The following ADAMTS12 variants were observed in gnomAD, a reference collection of about 807,000 sequenced individuals.
ADAMTS12 encodes the protein A disintegrin and metalloproteinase with thrombospondin motifs 12.
A neutral mutation model predicts 167.8 loss-of-function variants in ADAMTS12; 118 were observed. That is an observed-to-expected ratio of 0.70 (90% confidence interval 0.61 to 0.82). The LOEUF (loss-of-function observed/expected upper bound fraction) is 0.82. Ranked by LOEUF, ADAMTS12 falls within the 40% of genes least tolerant of loss-of-function variation. The pLI is 0.00. For missense variants in ADAMTS12, 1,916 were observed against 1,998.8 expected (o/e 0.96, Z 0.79); for synonymous variants, 704 against 716.9 (o/e 0.98, Z 0.29).
chr5:33,683,859 C>T lies in ADAMTS12; in HGVS notation c.831G>A (p.Met277Ile), dbSNP rs748113182. The change falls in exon 4 of 24, where the codon ATG becomes ATA. Residue 277 changes from methionine to isoleucine, a missense_variant and splice_region_variant. Coordinates refer to ENST00000504830, the MANE Select transcript of ADAMTS12 (RefSeq NM_030955.4). ...CCAGCCCCCATGTAGTCTGGCATAC[C>T]ATGTTCATGATGGTGAGGATGTAGG... ...VESYILTIMN[M>I]VTGLFHNPSI... The T allele has an allele frequency of 2.6e-6, 4 of 1,523,628 alleles. No individual in the cohort carries two copies. In the East Asian group the frequency reaches 7.3e-5, roughly 28 times the overall value. The allele number at this position is 1,523,628 out of a possible 1,614,324, so 94.4% of individuals were successfully genotyped here.
At chr5:33,835,907 A>ATCTCTCTCTCTCTCTC (rs60393220) in intron 2 of ADAMTS12, among the ~76,000 whole-genome samples, 6 of 111,844 alleles carry the variant, frequency 5.4e-5, no homozygotes, top group African/African-American at 1.3e-4. Context: ...GATAATATCC[A>ATCTCTCTCTCTCTCTC]TCTCTCTCTC....
chr5:33,576,180 T>C lies in ADAMTS12; in HGVS notation c.3846A>G (p.Glu1282=). ...PNNMNQTKSS[E]PVLTEEDATS... ...TTGCATCCTCCTCAGTCAGGACTGG[T>C]TCAGAACTTTTTGTTTGGTTCATGT... The change falls in exon 19 of 24, where the codon GAA becomes GAG. Residue 1282 remains glutamate, a synonymous_variant. Transcript: ENST00000504830. 1 of 1,614,244 alleles carries C rather than the reference T, an allele frequency of 6.2e-7. No homozygotes were observed.
intron 20 of ADAMTS12, among the ~76,000 whole-genome samples, chr5:33,554,228 G>C (rs1043762538): frequency 3.9e-5 from 6 of 152,152 alleles, no homozygotes; most frequent in East Asian, 3.8e-4. Flanking sequence ...TTGAAGTGGA[G>C]GTAATGGCAT....
chr5:33,800,842 G>A (rs995840432), intron 2 of ADAMTS12, among the ~76,000 whole-genome samples: 11 of 152,018 alleles, frequency 7.2e-5, no homozygotes, highest in African/African-American at 1.7e-4. Context: ...CTTGAATAAC[G>A]GTATCTATGT....
intron 2 of ADAMTS12, among the ~76,000 whole-genome samples, chr5:33,870,669 A>G (rs1750004666): frequency 6.6e-6 from 1 of 152,208 alleles, no homozygotes; most frequent in Non-Finnish European, 1.5e-5. Flanking sequence ...TCCAAATCCC[A>G]TGGCAAATTG....
Position 33,637,568 on chromosome 5 carries a change from G to T in ADAMTS12, c.1888+9C>A. On this transcript the variant is annotated intron_variant, in intron 12 of 23. Transcript: ENST00000504830. ...CCTAGATCTGAGATACACCATTACA[G>T]CTCCTTACCTGGGTTAAAAATGGGA... 2 of 1,611,736 alleles carry T rather than the reference G, an allele frequency of 1.2e-6. No homozygotes were observed. Among genetic ancestry groups the T allele is most frequent in the South Asian group, 2.2e-5 (2 of 90,680 alleles).
intron 3 of ADAMTS12, among the ~76,000 whole-genome samples, chr5:33,749,879 G>A (rs1480842094): frequency 2.0e-5 from 3 of 152,126 alleles, no homozygotes; most frequent in Non-Finnish European, 4.4e-5. Context: ...ATGAGAGAGA[G>A]GTGTTCAAGG....
At chr5:33,611,337 CT>C (rs78216415) in intron 16 of ADAMTS12, among the ~76,000 whole-genome samples, 9,338 of 140,670 alleles carry the variant, frequency 0.066, 918 homozygotes, top group African/African-American at 0.22. Flanking sequence ...AGCTGTGGGA[CT>C]TTTTTTTTTT....
intron 3 of ADAMTS12, among the ~76,000 whole-genome samples, chr5:33,706,611 G>A (rs2112308338): frequency 6.6e-6 from 1 of 152,190 alleles, no homozygotes; most frequent in East Asian, 1.9e-4. Flanking sequence ...TATCCAATTT[G>A]CCAGTCTTTC....
chr5:33,529,796 G>T (rs1744006843), intron 23 of ADAMTS12, among the ~76,000 whole-genome samples: 1 of 152,148 alleles, frequency 6.6e-6, no homozygotes, highest in African/African-American at 2.4e-5. Flanking sequence ...AATGCTCCTA[G>T]ATTCCAAAAT....
chr5:33,665,641 G>A (rs1035905712), intron 5 of ADAMTS12, among the ~76,000 whole-genome samples: 1 of 152,134 alleles, frequency 6.6e-6, no homozygotes, highest in Non-Finnish European at 1.5e-5. Flanking sequence ...ACTTCAGGTG[G>A]AAACCACAGA....
intron 2 of ADAMTS12, 193 bp downstream of exon 2, chr5:33,880,926 T>C: frequency 3.9e-6 from 3 of 765,998 alleles, no homozygotes; most frequent in Non-Finnish European, 6.0e-6. Flanking sequence ...GCCCTTACTC[T>C]TTGTATCTCT....
At chr5:33,849,579 CATAGCAATACACATATGTAT>C (rs1749129019) in intron 2 of ADAMTS12, among the ~76,000 whole-genome samples, 1 of 89,192 alleles carries the variant, frequency 1.1e-5, no homozygotes, top group Admixed American at 1.4e-4. Context: ...ATGTGTATTG[CATAGCAATACACATATGTAT>C]TGCATAGCAA....
At chr5:33,862,204 C>T (rs953525013) in intron 2 of ADAMTS12, among the ~76,000 whole-genome samples, 5 of 152,068 alleles carry the variant, frequency 3.3e-5, no homozygotes, top group African/African-American at 1.2e-4. Flanking sequence ...AAGATAGAGA[C>T]ATGAAAAACC....
At chr5:33,837,570 T>A (rs1456520896) in intron 2 of ADAMTS12, among the ~76,000 whole-genome samples, 2 of 152,334 alleles carry the variant, frequency 1.3e-5, no homozygotes, top group East Asian at 3.9e-4. Flanking sequence ...GGCATGTCTT[T>A]GTTTCCAGCC....
rs574111608 is a variant in ADAMTS12, at chr5:33,645,649, G to A, written c.1480-2179C>T. Among the ~76,000 whole-genome samples the A allele has an allele frequency of 4.6e-5, 7 of 152,128 alleles. No homozygotes were observed. The East Asian group carries it at 7.7e-4, about 17-fold the overall frequency. On this transcript the variant is annotated intron_variant, in intron 9 of 23. Transcript: ENST00000504830. ...ATTTAGAAAGGATGATGTGCTAGGCGAATGGTACACAGAAACTTTGTACTA... is the reference window on the plus strand; with the variant it reads ...ATTTAGAAAGGATGATGTGCTAGGCAAATGGTACACAGAAACTTTGTACTA...
At chr5:33,640,098 G>T (rs569065427) in intron 11 of ADAMTS12, among the ~76,000 whole-genome samples, 4 of 152,158 alleles carry the variant, frequency 2.6e-5, no homozygotes, top group Admixed American at 6.5e-5. Context: ...GTTCTCACTA[G>T]ACAGTTGACC....
intron 3 of ADAMTS12, among the ~76,000 whole-genome samples, chr5:33,696,824 TG>T (rs1410052039): frequency 6.6e-6 from 1 of 152,234 alleles, no homozygotes; most frequent in African/African-American, 2.4e-5. Flanking sequence ...GCTTCACCTA[TG>T]GGCCTCTGCC....
chr5:33,854,823 G>A (rs1022131778), intron 2 of ADAMTS12, among the ~76,000 whole-genome samples: 1 of 152,224 alleles, frequency 6.6e-6, no homozygotes, highest in Non-Finnish European at 1.5e-5. Flanking sequence ...TCATGTCTGA[G>A]TAAGCATGGG....
Sources: gnomAD v4.1 joint callset for allele counts (sites outside exome capture counted in the v4.1 genomes callset) on GRCh38, gnomAD v4.1.1 for gene constraint, MANE v1.5 for transcripts, NCBI Gene and HGNC (gene_info 2026-07-23, HGNC 2026-07-21) for gene names.